KCNN2: variants seen among roughly 807,000 people sequenced by gnomAD.
KCNN2 encodes the protein potassium calcium-activated channel subfamily N member 2.
Under a neutral mutation model 55.5 loss-of-function variants are expected in KCNN2, and 24 were observed. The ratio of observed to expected loss-of-function variants is 0.43; its 90% CI spans 0.31 to 0.61. The LOEUF (loss-of-function observed/expected upper bound fraction) is 0.61. Ranked by LOEUF, KCNN2 falls within the 20% of genes least tolerant of loss-of-function variation. KCNN2 has a pLI of 0.08. For synonymous variants in KCNN2, 431 were observed against 336.1 expected (o/e 1.28, Z -3.09); for missense variants, 754 against 853.6 (o/e 0.88, Z 1.45).
intron 3 of KCNN2, among the ~76,000 whole-genome samples, chr5:114,439,967 A>C (rs1269107556): frequency 6.6e-6 from 1 of 152,160 alleles, no homozygotes; most frequent in Non-Finnish European, 1.5e-5. Flanking sequence ...CTTGAATTGC[A>C]TGGTGGAAGC....
intron 2 of KCNN2, among the ~76,000 whole-genome samples, chr5:114,313,682 C>T (rs1756448329): frequency 6.6e-6 from 1 of 152,090 alleles, no homozygotes; most frequent in Admixed American, 6.6e-5. Flanking sequence ...CATCTTTTTC[C>T]TTCTTGGATA....
intron 1 of KCNN2, among the ~76,000 whole-genome samples, chr5:114,057,970 A>G (rs1177971643): frequency 6.6e-6 from 1 of 152,244 alleles, no homozygotes; most frequent in Non-Finnish European, 1.5e-5. Flanking sequence ...GAATCGTACA[A>G]TGACTTTGGA....
chr5:114,288,484 C>T (rs1755803200), intron 2 of KCNN2, among the ~76,000 whole-genome samples: 1 of 71,076 alleles, frequency 1.4e-5, no homozygotes, highest in Non-Finnish European at 2.7e-5. Flanking sequence ...TTTGCCATTA[C>T]TTTATATATA....
intron 2 of KCNN2, among the ~76,000 whole-genome samples, chr5:114,241,941 A>G (rs981587602): frequency 6.7e-6 from 1 of 150,016 alleles, no homozygotes; most frequent in Non-Finnish European, 1.5e-5. Flanking sequence ...ACAGCTATAT[A>G]GAACCATGAA....
chr5:114,131,526 T>C (rs1359059495), intron 1 of KCNN2, among the ~76,000 whole-genome samples: 2 of 152,248 alleles, frequency 1.3e-5, no homozygotes, highest in Non-Finnish European at 2.9e-5. Context: ...ATCCAGTGTC[T>C]GTCACTGATG....
At chr5:114,151,001 A>T (rs886502648) in intron 1 of KCNN2, among the ~76,000 whole-genome samples, 1 of 152,204 alleles carries the variant, frequency 6.6e-6, no homozygotes, top group African/African-American at 2.4e-5. Context: ...AGCCTGGGCA[A>T]CAAGAGTGAA....
intron 2 of KCNN2, among the ~76,000 whole-genome samples, chr5:114,329,511 C>CCAAA (rs1756770374): frequency 6.6e-6 from 1 of 152,146 alleles, no homozygotes; most frequent in African/African-American, 2.4e-5. Context: ...AATTCTTCAG[C>CCAAA]TTTTGGACTG....
intron 1 of KCNN2, among the ~76,000 whole-genome samples, chr5:114,111,174 C>T (rs1457307748): frequency 1.3e-5 from 2 of 152,064 alleles, no homozygotes; most frequent in African/African-American, 4.8e-5. Context: ...GAAATAACAC[C>T]ACACGTCTAC....
At chr5:114,376,875 C>G (rs1339574680) in intron 2 of KCNN2, among the ~76,000 whole-genome samples, 1 of 152,018 alleles carries the variant, frequency 6.6e-6, no homozygotes, top group Non-Finnish European at 1.5e-5. Context: ...TTGAAGGAAG[C>G]CGGGAATTGG....
chr5:114,168,835 A>G (rs948305482), intron 1 of KCNN2, among the ~76,000 whole-genome samples: 3 of 152,082 alleles, frequency 2.0e-5, no homozygotes, highest in African/African-American at 7.2e-5. Context: ...TCATTCACAA[A>G]AAGATTCCCA....
chr5:114,063,720 C>T (rs1750380198), intron 1 of KCNN2, among the ~76,000 whole-genome samples: 1 of 152,118 alleles, frequency 6.6e-6, no homozygotes, highest in African/African-American at 2.4e-5. Flanking sequence ...CCAGTTTGAC[C>T]CAGACCATCC....
chr5:114,122,716 A>G (rs1751850038), intron 1 of KCNN2, among the ~76,000 whole-genome samples: 1 of 152,206 alleles, frequency 6.6e-6, no homozygotes, highest in Admixed American at 6.5e-5. Flanking sequence ...GGAGAGGAAT[A>G]TGAAGCACCC....
intron 2 of KCNN2, among the ~76,000 whole-genome samples, chr5:114,393,730 T>C (rs958110796): frequency 6.6e-6 from 1 of 151,998 alleles, no homozygotes; most frequent in Non-Finnish European, 1.5e-5. Flanking sequence ...AATACAAATA[T>C]ACCATCTCCC....
chr5:114,301,005 C>G (rs1756143906), intron 2 of KCNN2, among the ~76,000 whole-genome samples: 1 of 151,458 alleles, frequency 6.6e-6, no homozygotes, highest in Non-Finnish European at 1.5e-5. Context: ...TTAGTAATAA[C>G]TTTTTTGGAA....
At chr5:114,223,507 A>G (rs1181701207) in intron 2 of KCNN2, among the ~76,000 whole-genome samples, 1 of 152,182 alleles carries the variant, frequency 6.6e-6, no homozygotes, top group Non-Finnish European at 1.5e-5. Context: ...TGGTTTTGAA[A>G]TTAAGACAGG....
intron 1 of KCNN2, among the ~76,000 whole-genome samples, chr5:114,075,655 C>G (rs925004793): frequency 6.6e-6 from 1 of 152,180 alleles, no homozygotes; most frequent in Admixed American, 6.5e-5. Context: ...ATTATAAATC[C>G]TATTATCAAG....
At position 114,144,387 on chromosome 5, in the gene KCNN2, C is replaced by T. The variant is rs192461282; in HGVS notation, c.-270-77093C>T. On this transcript the variant is annotated intron_variant, in intron 1 of 10. Coordinates refer to the KCNN2 transcript ENST00000512097. ...TTTTGCCATTTATCCACAAAATGGG[C>T]AGTTTGAATTGATTGATGTAATGGA... is the stretch of plus-strand genomic sequence containing the variant. Among the ~76,000 whole-genome samples the T allele has an allele frequency of 2.3e-3, 346 of 152,178 alleles. 2 individuals carry two copies. Among genetic ancestry groups the T allele is most frequent in the Non-Finnish European group, 3.6e-3 (247 of 68,010 alleles).
intron 3 of KCNN2, among the ~76,000 whole-genome samples, chr5:114,448,430 C>T (rs146322647): frequency 1.3e-3 from 197 of 152,258 alleles, no homozygotes; most frequent in African/African-American, 4.6e-3. Context: ...TAATTCAGTT[C>T]CTGACATTTT....
chr5:114,482,169 T>TA lies in KCNN2; in HGVS notation c.1891-4878dup, dbSNP rs555909873. 3.7e-4 allele frequency among the ~76,000 whole-genome samples: 57 copies of TA among 152,082 alleles called. 1 individual carries two copies. In the South Asian group the frequency reaches 0.011, roughly 30 times the overall value. The stretch of plus-strand genomic sequence containing the variant: ...GTAATATCCAGAGTCTACAAGAACT[T>TA]AAACAAATTTACAAGAAAAAAATAC... On this transcript the variant is annotated intron_variant, in intron 5 of 7. Transcript: ENST00000673685.
Sources: gnomAD v4.1 joint callset for allele counts (sites outside exome capture counted in the v4.1 genomes callset) on GRCh38, gnomAD v4.1.1 for gene constraint, MANE v1.5 for transcripts, NCBI Gene and HGNC (gene_info 2026-07-23, HGNC 2026-07-21) for gene names.